The following SOX5 variants were observed in gnomAD, a reference collection of about 807,000 sequenced individuals.
SOX5 encodes transcription factor SOX-5.
Under a neutral mutation model 92.0 loss-of-function variants are expected in SOX5, and 9 were observed. That is an observed-to-expected ratio of 0.10 (90% confidence interval 0.06 to 0.17). SOX5 has a LOEUF of 0.17. SOX5 is among the 10% of genes least tolerant of loss of function. The pLI is 1.00. For synonymous variants in SOX5, 344 were observed against 336.3 expected (o/e 1.02, Z -0.25); for missense variants, 642 against 944.5 (o/e 0.68, Z 4.20).
At chr12:23,730,654 A>G (rs1016561319) in intron 6 of SOX5, among the ~76,000 whole-genome samples, 9 of 152,222 alleles carry the variant, frequency 5.9e-5, no homozygotes, top group African/African-American at 2.2e-4. Flanking sequence ...TTTTAGAGCT[A>G]AGGTTGCTTT....
At chr12:23,831,198 G>A (rs2096311726) in intron 3 of SOX5, among the ~76,000 whole-genome samples, 1 of 151,930 alleles carries the variant, frequency 6.6e-6, no homozygotes, top group Admixed American at 6.6e-5. Flanking sequence ...CATAGAAGGT[G>A]CAATCAATTA....
At chr12:24,136,252 G>A (rs1950096873) in intron 4 of SOX5, among the ~76,000 whole-genome samples, 2 of 152,256 alleles carry the variant, frequency 1.3e-5, no homozygotes, top group South Asian at 4.1e-4. Context: ...CTCAAGGGAT[G>A]CTGAGAAATC....
intron 2 of SOX5, among the ~76,000 whole-genome samples, chr12:24,285,116 G>A (rs1029430072): frequency 1.3e-4 from 20 of 152,086 alleles, no homozygotes; most frequent in African/African-American, 4.3e-4. Flanking sequence ...CTGGGCAACA[G>A]GGTGAGTGAG....
chr12:23,573,211 A>T (rs1270435154), intron 10 of SOX5, among the ~76,000 whole-genome samples: 2 of 152,106 alleles, frequency 1.3e-5, no homozygotes, highest in African/African-American at 4.8e-5. Context: ...CTATTTTAAA[A>T]CCTGTCTCTA....
chr12:23,537,850 T>A (rs1229381657), intron 13 of SOX5, among the ~76,000 whole-genome samples: 1 of 152,256 alleles, frequency 6.6e-6, no homozygotes, highest in African/African-American at 2.4e-5. Flanking sequence ...GCGGTGAGTG[T>A]TACAGTTCTC....
chr12:24,271,836 G>T (rs1452196201), intron 3 of SOX5, among the ~76,000 whole-genome samples: 1 of 152,066 alleles, frequency 6.6e-6, no homozygotes, highest in Non-Finnish European at 1.5e-5. Context: ...ATCCATGCAG[G>T]AATGCCATAC....
chr12:23,815,647 A>C (rs959543867), intron 3 of SOX5, among the ~76,000 whole-genome samples: 12 of 152,320 alleles, frequency 7.9e-5, no homozygotes, highest in African/African-American at 2.9e-4. Context: ...TGGCAGAGAA[A>C]ATGCTACCTC....
intron 1 of SOX5, among the ~76,000 whole-genome samples, chr12:24,536,360 G>A (rs1028351140): frequency 2.0e-5 from 3 of 152,160 alleles, no homozygotes; most frequent in African/African-American, 7.2e-5. Flanking sequence ...GAGATGTCGG[G>A]ATCAAGGCAT....
At chr12:23,816,920 C>T (rs1357794651) in intron 3 of SOX5, among the ~76,000 whole-genome samples, 4 of 152,198 alleles carry the variant, frequency 2.6e-5, no homozygotes, top group African/African-American at 9.6e-5. Context: ...CAGTTCTACT[C>T]TCATATCACT....
At chr12:23,726,261 T>C (rs1428690953) in intron 6 of SOX5, among the ~76,000 whole-genome samples, 1 of 152,096 alleles carries the variant, frequency 6.6e-6, no homozygotes, top group African/African-American at 2.4e-5. Context: ...TCTAGGGAGC[T>C]GAAGCAAATT....
chr12:24,202,615 A>G (rs1224448856), intron 4 of SOX5, among the ~76,000 whole-genome samples: 2 of 152,128 alleles, frequency 1.3e-5, no homozygotes, highest in Non-Finnish European at 1.5e-5. Flanking sequence ...TCCATCTGGG[A>G]CAGTTCTTCA....
At chr12:23,990,191 C>T (rs555514467) in intron 4 of SOX5, among the ~76,000 whole-genome samples, 2 of 152,212 alleles carry the variant, frequency 1.3e-5, no homozygotes, top group Admixed American at 6.5e-5. Flanking sequence ...GCATTATTCT[C>T]TTACCTAGTC....
At chr12:24,010,027 A>G (rs1022903235) in intron 4 of SOX5, among the ~76,000 whole-genome samples, 1 of 152,202 alleles carries the variant, frequency 6.6e-6, no homozygotes, top group Non-Finnish European at 1.5e-5. Context: ...TCTTCATTCA[A>G]TCACCCAAAT....
At chr12:23,729,829 A>G (rs1175531548) in intron 6 of SOX5, among the ~76,000 whole-genome samples, 1 of 152,212 alleles carries the variant, frequency 6.6e-6, no homozygotes, top group Non-Finnish European at 1.5e-5. Context: ...GCATTGTCGG[A>G]TTAGCCCTAT....
At chr12:24,498,768 A>G (rs933659675) in intron 1 of SOX5, among the ~76,000 whole-genome samples, 1 of 152,052 alleles carries the variant, frequency 6.6e-6, no homozygotes, top group African/African-American at 2.4e-5. Context: ...TGGAATCAAC[A>G]CACTTCATGC....
At chr12:24,501,853 C>T (rs888570684) in intron 1 of SOX5, among the ~76,000 whole-genome samples, 2 of 152,100 alleles carry the variant, frequency 1.3e-5, no homozygotes, top group African/African-American at 4.8e-5. Flanking sequence ...AAACAAATTT[C>T]CTCACTGACA....
At chr12:23,791,088 C>G (rs2095468255) in intron 3 of SOX5, among the ~76,000 whole-genome samples, 2 of 152,078 alleles carry the variant, frequency 1.3e-5, no homozygotes, top group Admixed American at 1.3e-4. Flanking sequence ...ACCTATCTAC[C>G]AGTAATGAAG....
chr12:23,586,482 GA>G (rs371195986), intron 9 of SOX5, among the ~76,000 whole-genome samples: 35 of 151,102 alleles, frequency 2.3e-4, no homozygotes, highest in South Asian at 4.2e-4. Context: ...GTTTTACGGG[GA>G]AAAAAAAATT....
At position 23,530,018 on chromosome 12, in the gene SOX5, C is replaced by T. The variant is rs1938627388; in HGVS notation, c.*4201G>A. 1 of 152,192 alleles carries T rather than the reference C, an allele frequency of 6.6e-6. No individual in the cohort carries two copies. Among genetic ancestry groups the T allele is most frequent in the Admixed American group, 6.5e-5 (1 of 15,276 alleles). 9.4% of individuals were successfully genotyped at this position (152,192 alleles called of 1,614,324 possible). A position where few individuals can be genotyped will look rare whatever the true frequency, so the allele number is the denominator to read the frequency against. On this transcript the variant is annotated 3_prime_UTR_variant, in exon 15 of 15. Coordinates refer to ENST00000451604, the MANE Select transcript of SOX5 (RefSeq NM_006940.6). The stretch of plus-strand genomic sequence containing the variant: ...CAATCAATCAGTAGGAAACTCAACA[C>T]ATCGTCTTCAACCTGGGAAGTTGAT...
Sources: allele counts gnomAD v4.1 joint callset (sites outside exome capture counted in the v4.1 genomes callset), GRCh38; gene constraint gnomAD v4.1.1; transcripts MANE v1.5; gene names NCBI Gene and HGNC (gene_info 2026-07-23, HGNC 2026-07-21).